The following PTPRM variants were observed in gnomAD, a reference collection of about 807,000 sequenced individuals.
PTPRM encodes receptor-type tyrosine-protein phosphatase mu.
PTPRM carries 47 observed loss-of-function variants against 186.7 expected under a neutral mutation model. The ratio of observed to expected loss-of-function variants is 0.25; its 90% CI spans 0.20 to 0.32. The LOEUF is 0.32. Ranked by LOEUF, PTPRM falls within the 10% of genes least tolerant of loss-of-function variation. PTPRM has a pLI of 1.00. For missense variants in PTPRM, 1,494 were observed against 1,865.0 expected (o/e 0.80, Z 3.66); for synonymous variants, 668 against 674.9 (o/e 0.99, Z 0.16).
chr18:7,717,264 C>G lies in PTPRM; in HGVS notation c.74-56885C>G, dbSNP rs1054071072. Reference sequence around the variant, plus strand: ...GCCCCACCCCACCCCATCCTCTGCCCGTAAAAACCCCAGACTCAGCTGGTA... The same window carrying G: ...GCCCCACCCCACCCCATCCTCTGCCGGTAAAAACCCCAGACTCAGCTGGTA... On this transcript the variant is annotated intron_variant, in intron 1 of 32. Coordinates refer to ENST00000580170, the MANE Select transcript of PTPRM (RefSeq NM_001105244.2). Among the ~76,000 whole-genome samples, 26 of 152,080 alleles carry G rather than the reference C, an allele frequency of 1.7e-4. 1 individual carries two copies. Among genetic ancestry groups the G allele is most frequent in the Non-Finnish European group, 3.8e-4 (26 of 68,024 alleles).
chr18:7,741,992 T>G (rs2040893206), intron 1 of PTPRM: 1 of 152,156 alleles, frequency 6.6e-6, no homozygotes, highest in South Asian at 2.1e-4. Flanking sequence ...CTGTAAAAAA[T>G]ATGACATCTA....
intron 31 of PTPRM, among the ~76,000 whole-genome samples, chr18:8,394,182 A>T (rs1217699415): frequency 6.6e-6 from 1 of 152,196 alleles, no homozygotes; most frequent in Non-Finnish European, 1.5e-5. Flanking sequence ...AATAAGGTTC[A>T]TTGAAAATTT....
intron 19 of PTPRM, among the ~76,000 whole-genome samples, chr18:8,290,575 G>GA (rs555941296): frequency 2.6e-5 from 4 of 152,034 alleles, no homozygotes; most frequent in Non-Finnish European, 4.4e-5. Flanking sequence ...TTCCTATTCA[G>GA]AAAAAAATGA....
chr18:7,882,238 C>A (rs1002644606), intron 2 of PTPRM, among the ~76,000 whole-genome samples: 1 of 152,008 alleles, frequency 6.6e-6, no homozygotes, highest in Non-Finnish European at 1.5e-5. Flanking sequence ...TGTTGTGTGA[C>A]TAAACAATTT....
In PTPRM at chr18:8,406,412, GAGC is replaced by G. The variant is rs2095906598; in HGVS notation, c.*254_*256del. The G allele has an allele frequency of 2.0e-6, 1 of 505,172 alleles. No homozygotes were observed. Among genetic ancestry groups the G allele is most frequent in the South Asian group, 2.5e-5 (1 of 40,672 alleles). 31.3% of individuals were successfully genotyped at this position (505,172 alleles called of 1,614,324 possible). A position where few individuals can be genotyped will look rare whatever the true frequency, so the allele number is the denominator to read the frequency against. The stretch of plus-strand genomic sequence containing the variant: ...CGTACTCCTTGCCACCGGCTTCCTA[GAGC>G]AGCGTAGACAGCTGGTAAACTGAAG... On this transcript the variant is annotated 3_prime_UTR_variant, in exon 33 of 33. Transcript: ENST00000580170.
chr18:7,626,040 G>T, intron 1 of PTPRM, among the ~76,000 whole-genome samples: 1 of 152,150 alleles, frequency 6.6e-6, no homozygotes, highest in South Asian at 2.1e-4. Context: ...ACTTCCTACT[G>T]TGAGGCTAAA....
chr18:7,984,928 T>G (rs1169309691), intron 7 of PTPRM, among the ~76,000 whole-genome samples: 1 of 99,288 alleles, frequency 1.0e-5, no homozygotes, highest in Non-Finnish European at 2.0e-5. Context: ...TATACATATA[T>G]AAATATATAC....
At position 7,971,228 on chromosome 18, in the gene PTPRM, A is replaced by G. The variant is rs1363500176; in HGVS notation, c.1132+15814A>G. 6.7e-3 allele frequency among the ~76,000 whole-genome samples: 376 copies of G among 55,716 alleles called. 63 individuals carry two copies. Among genetic ancestry groups the G allele is most frequent in the Non-Finnish European group, 8.0e-3 (221 of 27,792 alleles). The allele number at this position is 55,716 out of a possible 152,430, so 36.6% of individuals were successfully genotyped here. ...ATGGGGAAAGGATTCCCTATTTAAT[A>G]AATGGTGCTGGGAAAACTGGCTAGC... On this transcript the variant is annotated intron_variant, in intron 7 of 32. Transcript: ENST00000580170.
chr18:8,225,926 T>C lies in PTPRM; in HGVS notation c.2301-18132T>C, dbSNP rs553043438. Among the ~76,000 whole-genome samples the C allele has an allele frequency of 4.4e-4, 67 of 152,304 alleles. 2 individuals are homozygous for C. The South Asian group carries it at 0.012, about 26-fold the overall frequency. On this transcript the variant is annotated intron_variant, in intron 14 of 32. Coordinates refer to ENST00000580170, the MANE Select transcript of PTPRM (RefSeq NM_001105244.2). Reference sequence around the variant, plus strand: ...ATCAGTAGCCTAAATATAATGAATTTGTAGACATCAACAAACAATAACAAC... The same window carrying C: ...ATCAGTAGCCTAAATATAATGAATTCGTAGACATCAACAAACAATAACAAC...
At chr18:7,572,574 G>A (rs949872596) in intron 1 of PTPRM, among the ~76,000 whole-genome samples, 1 of 152,106 alleles carries the variant, frequency 6.6e-6, no homozygotes, top group African/African-American at 2.4e-5. Context: ...TTTCTAGAAT[G>A]AGCATGTATT....
intron 11 of PTPRM, among the ~76,000 whole-genome samples, chr18:8,109,169 G>C (rs940958304): frequency 6.6e-6 from 1 of 152,194 alleles, no homozygotes; most frequent in African/African-American, 2.4e-5. Flanking sequence ...ATAAAGTTCT[G>C]TCAAGGTACT....
At chr18:7,931,473 A>T (rs1156801578) in intron 5 of PTPRM, among the ~76,000 whole-genome samples, 1 of 152,092 alleles carries the variant, frequency 6.6e-6, no homozygotes, top group Non-Finnish European at 1.5e-5. Flanking sequence ...TGAGAGGGCG[A>T]GGTGGGTGGA....
chr18:7,624,087 T>C (rs558248234), intron 1 of PTPRM, among the ~76,000 whole-genome samples: 1 of 152,316 alleles, frequency 6.6e-6, no homozygotes, highest in East Asian at 1.9e-4. Context: ...ACAGATCCTC[T>C]TTCCCCTGCC....
intron 7 of PTPRM, among the ~76,000 whole-genome samples, chr18:7,972,651 C>G (rs892186239): frequency 6.6e-6 from 1 of 151,578 alleles, no homozygotes; most frequent in Non-Finnish European, 1.5e-5. Context: ...TATAATGCTC[C>G]TAATTTGAGT....
chr18:8,156,645 G>C (rs762545806), intron 14 of PTPRM, among the ~76,000 whole-genome samples: 1 of 152,110 alleles, frequency 6.6e-6, no homozygotes, highest in Non-Finnish European at 1.5e-5. Flanking sequence ...TGCTACCCTG[G>C]CTCAGGCAAG....
intron 2 of PTPRM, among the ~76,000 whole-genome samples, chr18:7,796,471 G>A (rs2043654016): frequency 6.6e-6 from 1 of 152,220 alleles, no homozygotes; most frequent in South Asian, 2.1e-4. Flanking sequence ...GCCTTTGCTG[G>A]AGCCAATTCA....
At chr18:8,034,117 T>C (rs1247454210) in intron 7 of PTPRM, among the ~76,000 whole-genome samples, 1 of 152,170 alleles carries the variant, frequency 6.6e-6, no homozygotes, top group Non-Finnish European at 1.5e-5. Context: ...TCTTCATCTC[T>C]AGATCTTTAC....
chr18:8,101,590 A>G (rs2091292492), intron 11 of PTPRM, among the ~76,000 whole-genome samples: 1 of 152,176 alleles, frequency 6.6e-6, no homozygotes, highest in East Asian at 1.9e-4. Context: ...TCCCAAATGA[A>G]ATAATTTATC....
chr18:7,802,668 G>C (rs2044033223), intron 2 of PTPRM, among the ~76,000 whole-genome samples: 1 of 152,180 alleles, frequency 6.6e-6, no homozygotes, highest in African/African-American at 2.4e-5. Flanking sequence ...AAGCGATTAT[G>C]TCACTTTGGA....
Sources: allele counts gnomAD v4.1 joint callset (sites outside exome capture counted in the v4.1 genomes callset), GRCh38; gene constraint gnomAD v4.1.1; transcripts MANE v1.5; gene names NCBI Gene and HGNC (gene_info 2026-07-23, HGNC 2026-07-21).